The following SPSB1 variants were observed in gnomAD, a reference collection of about 807,000 sequenced individuals.
SPSB1 encodes the protein splA/ryanodine receptor domain and SOCS box containing 1.
SPSB1 carries 8 observed loss-of-function variants against 21.2 expected under a neutral mutation model. That is an observed-to-expected ratio of 0.38 (90% CI 0.22 to 0.68). SPSB1 has a LOEUF of 0.68. Among genes scored for constraint, SPSB1 ranks in the 30% least tolerant of loss-of-function variants. SPSB1 has a pLI of 0.53. For missense variants in SPSB1, 242 were observed against 377.8 expected, an observed-to-expected ratio of 0.64 and a Z score of 2.98; for synonymous variants, 169 against 161.7, an observed-to-expected ratio of 1.05 and a Z score of -0.34.
At chr1:9,326,251 G>A (rs758459549) in intron 1 of SPSB1, among the ~76,000 whole-genome samples, 4 of 152,100 alleles carry the variant, frequency 2.6e-5, no homozygotes, top group East Asian at 1.9e-4. Flanking sequence ...TCCAATCTGC[G>A]TTTATTCCCA....
Position 9,320,547 on chromosome 1 carries a change from G to A in SPSB1, c.-150+27476G>A, listed in dbSNP as rs141685667. 2.7e-4 allele frequency among the ~76,000 whole-genome samples: 41 copies of A among 152,324 alleles called. No homozygotes were observed. The East Asian group carries it at 7.3e-3, about 27-fold the overall frequency. ...GTTTTGTGTATAGTGGCCTCGCTCC[G>A]TGCATCTAAGTTGTTCCTTGATACA... is the stretch of plus-strand genomic sequence containing the variant. On this transcript the variant is annotated intron_variant, in intron 1 of 2. Coordinates refer to ENST00000328089, the MANE Select transcript of SPSB1 (RefSeq NM_025106.4).
At chr1:9,357,358 T>C (rs1640389694) in intron 2 of SPSB1, among the ~76,000 whole-genome samples, 1 of 152,176 alleles carries the variant, frequency 6.6e-6, no homozygotes. Flanking sequence ...AATTGATGGA[T>C]AAATGGATAG....
At chr1:9,325,268 T>C (rs1639800310) in intron 1 of SPSB1, among the ~76,000 whole-genome samples, 1 of 143,094 alleles carries the variant, frequency 7.0e-6, no homozygotes, top group Non-Finnish European at 1.5e-5. Flanking sequence ...GATGGAGAGC[T>C]GTCCCCACTC....
At chr1:9,306,922 CTTTTCTTCTTTT>C in intron 1 of SPSB1, among the ~76,000 whole-genome samples, 1 of 133,186 alleles carries the variant, frequency 7.5e-6, no homozygotes. Context: ...TACTTTTCTT[CTTTTCTTCTTTT>C]TTTTTTTTTT....
intron 1 of SPSB1, among the ~76,000 whole-genome samples, chr1:9,329,524 C>A (rs868041827): frequency 4.6e-5 from 7 of 151,724 alleles, no homozygotes; most frequent in African/African-American, 7.3e-5. Context: ...ACAATGAAAC[C>A]CCGTCTCTAC....
intron 1 of SPSB1, among the ~76,000 whole-genome samples, chr1:9,294,112 CTG>C (rs1639168259): frequency 3.8e-5 from 5 of 130,900 alleles, no homozygotes; most frequent in African/African-American, 5.8e-5. Context: ...TTGTGTGTGT[CTG>C]TGTGTGAGTG....
chr1:9,355,694 C>T lies in SPSB1; in HGVS notation c.-149-49C>T, dbSNP rs566348579. On this transcript the variant is annotated intron_variant, in intron 1 of 2. Coordinates refer to ENST00000328089, the MANE Select transcript of SPSB1 (RefSeq NM_025106.4). ...CCTTGCCCTCCGGGTTAACTTTCCCCTTCATCCCACAGTCCTGCTCACCGG... is the reference window on the plus strand; with the variant it reads ...CCTTGCCCTCCGGGTTAACTTTCCCTTTCATCCCACAGTCCTGCTCACCGG... 1.3e-3 allele frequency: 1,698 copies of T among 1,294,166 alleles called. 4 individuals are homozygous for T. Among genetic ancestry groups the T allele is most frequent in the Non-Finnish European group, 1.6e-3 (1,598 of 1,017,074 alleles). 80.2% of individuals were successfully genotyped at this position (1,294,166 alleles called of 1,614,324 possible). A position where few individuals can be genotyped will look rare whatever the true frequency, so the allele number is the denominator to read the frequency against.
intron 1 of SPSB1, among the ~76,000 whole-genome samples, chr1:9,296,539 A>G (rs1395016598): frequency 1.3e-5 from 2 of 152,130 alleles, no homozygotes; most frequent in Non-Finnish European, 2.9e-5. Flanking sequence ...ACACATACAC[A>G]TACTCACATA....
rs534249954 is a variant in SPSB1 at position 9,327,667 on chromosome 1, CCT to C, written c.-149-28075_-149-28074del. 2.1e-3 allele frequency among the ~76,000 whole-genome samples: 316 copies of C among 152,224 alleles called. 1 individual carries two copies. Among genetic ancestry groups the C allele is most frequent in the African/African-American group, 7.2e-3 (300 of 41,510 alleles). On this transcript the variant is annotated intron_variant, in intron 1 of 2. Transcript: ENST00000328089. Reference sequence around the variant, plus strand: ...GGGAGTGTGGGGGAGAAATTTGACCCCTGTTTCTTCACCATTTCCTAAGGTCT... The same window carrying C: ...GGGAGTGTGGGGGAGAAATTTGACCCGTTTCTTCACCATTTCCTAAGGTCT...
rs1639393050 is a variant in SPSB1 at position 9,305,325 on chromosome 1, A to G, written c.-150+12254A>G. Among the ~76,000 whole-genome samples, 2 of 152,122 alleles carry G rather than the reference A, an allele frequency of 1.3e-5. No individual in the cohort carries two copies. Among genetic ancestry groups the G allele is most frequent in the Admixed American group, 1.3e-4 (2 of 15,268 alleles). ...GTCCCCTTCAGCAGGTAGCCCTGCC[A>G]TCCACGGTCCACCCTGTCACCCAGA... On this transcript the variant is annotated intron_variant, in intron 1 of 2. Coordinates refer to ENST00000328089, the MANE Select transcript of SPSB1 (RefSeq NM_025106.4). The surrounding 1 kb of genome is among the most constrained non-coding windows in gnomAD (Gnocchi z 4.8).
Position 9,348,637 on chromosome 1 carries a change from C to T in SPSB1, c.-149-7106C>T, listed in dbSNP as rs143964843. ...GAGCCCACGAAACTGGAGGGATTTGCGAGGTTCTTTTCTTCCTTCCTACTA... is the reference window on the plus strand; with the variant it reads ...GAGCCCACGAAACTGGAGGGATTTGTGAGGTTCTTTTCTTCCTTCCTACTA... On this transcript the variant is annotated intron_variant, in intron 1 of 2. Transcript: ENST00000328089. This position sits in a 1 kb window ranked among gnomAD's most constrained non-coding sequence, Gnocchi z 4.8. Among the ~76,000 whole-genome samples the T allele has an allele frequency of 3.4e-4, 52 of 152,180 alleles. No individual in the cohort carries two copies. Among genetic ancestry groups the T allele is most frequent in the African/African-American group, 1.1e-3 (47 of 41,550 alleles).
intron 1 of SPSB1, among the ~76,000 whole-genome samples, chr1:9,319,391 TCTCCTCCCTCCTCC>T (rs372159966): frequency 6.6e-6 from 1 of 151,514 alleles, no homozygotes; most frequent in Non-Finnish European, 1.5e-5. Flanking sequence ...GTGCTTTGCT[TCTCCTCCCTCCTCC>T]CTCCTCCTTC....
intron 1 of SPSB1, among the ~76,000 whole-genome samples, chr1:9,329,632 G>A (rs762095462): frequency 1.3e-4 from 19 of 150,786 alleles, no homozygotes; most frequent in Non-Finnish European, 2.2e-4. Context: ...TGGGGAGGTT[G>A]CAGTGAGCCG....
At chr1:9,337,774 C>T (rs1258416916) in intron 1 of SPSB1, among the ~76,000 whole-genome samples, 2 of 152,232 alleles carry the variant, frequency 1.3e-5, no homozygotes, top group African/African-American at 2.4e-5. Context: ...TCCCTGCCTC[C>T]GTTCGTTCTC....
chr1:9,333,843 G>A (rs140033787), intron 1 of SPSB1, among the ~76,000 whole-genome samples: 230 of 152,254 alleles, frequency 1.5e-3, no homozygotes, highest in African/African-American at 4.8e-3. Flanking sequence ...TCTCCAGCGC[G>A]GCTCCGGGGA....
chr1:9,350,574 G>A (rs761758184), intron 1 of SPSB1, among the ~76,000 whole-genome samples: 5 of 152,166 alleles, frequency 3.3e-5, no homozygotes, highest in Non-Finnish European at 4.4e-5. Context: ...CAGTGTACAC[G>A]TGTGTGCATG....
At position 9,367,340 on chromosome 1, in the gene SPSB1, A is replaced by G; in HGVS notation, c.695-108A>G. The G allele has an allele frequency of 3.2e-6, 5 of 1,554,314 alleles. No individual in the cohort carries two copies. The highest frequency in any genetic ancestry group is 4.4e-6 in the Non-Finnish European group (5 of 1,139,232). On this transcript the variant is annotated intron_variant, in intron 2 of 2. Transcript: ENST00000328089. This position sits in a 1 kb window ranked among gnomAD's most constrained non-coding sequence, Gnocchi z 5.9. ...GCATTGCATTTTTCATTGTTTCTTT[A>G]CTGATTTGAGTGAATACTAATCAGT... is the stretch of plus-strand genomic sequence containing the variant.
chr1:9,297,964 G>A (rs547645672), intron 1 of SPSB1, among the ~76,000 whole-genome samples: 20 of 152,318 alleles, frequency 1.3e-4, no homozygotes, highest in Non-Finnish European at 2.2e-4. Context: ...CTTACAGTGG[G>A]AGCCGCAGTC....
intron 1 of SPSB1, among the ~76,000 whole-genome samples, chr1:9,330,427 T>G (rs1433383176): frequency 2.6e-5 from 4 of 152,150 alleles, no homozygotes; most frequent in African/African-American, 4.8e-5. Context: ...ATTGTGTCAC[T>G]GCGCTCCAGC....
Sources: allele counts gnomAD v4.1 joint callset (sites outside exome capture counted in the v4.1 genomes callset), GRCh38; gene constraint gnomAD v4.1.1; non-coding constraint Gnocchi (gnomAD v3.1); transcripts MANE v1.5; gene names NCBI Gene and HGNC (gene_info 2026-07-23, HGNC 2026-07-21).